Variants in LNP1 observed in about 807,000 individuals in gnomAD.
The protein encoded by LNP1 is leukemia NUP98 fusion partner 1.
LNP1 carries 12 observed loss-of-function variants against 14.5 expected under a neutral mutation model. The observed-to-expected ratio is 0.83, with a 90% CI of 0.53 to 1.34. The LOEUF is 1.34. LNP1 is among the 40% of genes most tolerant of loss of function. The pLI is 0.00. For missense variants in LNP1, 198 were observed against 210.9 expected (o/e 0.94, Z 0.38); for synonymous variants, 75 against 71.4 (o/e 1.05, Z -0.26).
Position 100,436,024 on chromosome 3 carries a change from C to G in LNP1, c.156+6139C>G, listed in dbSNP as rs1707290832. Among the ~76,000 whole-genome samples, 2 of 152,238 alleles carry G rather than the reference C, an allele frequency of 1.3e-5. 1 individual carries two copies. The highest frequency in any genetic ancestry group is 4.8e-5 in the African/African-American group (2 of 41,510). ...AAAACTGTAGTAATGGCTGATGGAA[C>G]AAGGGAATCAGCTAGTCAGCATCTG... On this transcript the variant is annotated intron_variant, in intron 2 of 3. Coordinates refer to ENST00000383693, the MANE Select transcript of LNP1 (RefSeq NM_001085451.2).
At chr3:100,450,411 G>A (rs948220076) in intron 2 of LNP1, among the ~76,000 whole-genome samples, 1 of 148,130 alleles carries the variant, frequency 6.8e-6, no homozygotes, top group African/African-American at 2.5e-5. Flanking sequence ...TCGGCTCACC[G>A]CAACCTCCAC....
chr3:100,415,619 C>A (rs1380774755), intron 1 of LNP1, among the ~76,000 whole-genome samples: 2 of 152,112 alleles, frequency 1.3e-5, no homozygotes, highest in East Asian at 3.9e-4. Context: ...ATTCAGATAC[C>A]TCCAATCCAG....
chr3:100,454,901 G>A (rs1404751615), intron 3 of LNP1, among the ~76,000 whole-genome samples: 3 of 152,060 alleles, frequency 2.0e-5, no homozygotes, highest in East Asian at 1.9e-4. Context: ...AGCACTCAGG[G>A]GTTTCCCAAC....
At chr3:100,410,218 A>C (rs1028072678) in intron 1 of LNP1, among the ~76,000 whole-genome samples, 5 of 152,196 alleles carry the variant, frequency 3.3e-5, no homozygotes, top group Non-Finnish European at 5.9e-5. Context: ...TATGGATATT[A>C]AAAGAAATTT....
At chr3:100,413,355 G>A (rs967730567) in intron 1 of LNP1, among the ~76,000 whole-genome samples, 2 of 152,166 alleles carry the variant, frequency 1.3e-5, no homozygotes, top group Non-Finnish European at 1.5e-5. Context: ...TCACTTCTCA[G>A]GGGGAATGTC....
intron 1 of LNP1, among the ~76,000 whole-genome samples, chr3:100,410,146 A>G (rs1347156908): frequency 6.6e-6 from 1 of 152,136 alleles, no homozygotes; most frequent in South Asian, 2.1e-4. Context: ...TACAGGCTGG[A>G]AGATTTTTGA....
intron 2 of LNP1, among the ~76,000 whole-genome samples, chr3:100,438,216 T>C (rs918568441): frequency 3.9e-5 from 6 of 152,176 alleles, no homozygotes; most frequent in African/African-American, 9.7e-5. Flanking sequence ...GAACATCGAG[T>C]AGTTAAGCTC....
At chr3:100,436,031 A>G (rs1264705505) in intron 2 of LNP1, among the ~76,000 whole-genome samples, 1 of 152,198 alleles carries the variant, frequency 6.6e-6, no homozygotes, top group Non-Finnish European at 1.5e-5. Flanking sequence ...GAACAAGGGA[A>G]TCAGCTAGTC....
chr3:100,441,943 G>T (rs1182376963), intron 2 of LNP1, among the ~76,000 whole-genome samples: 1 of 152,110 alleles, frequency 6.6e-6, no homozygotes, highest in Non-Finnish European at 1.5e-5. Flanking sequence ...GGGATTACAG[G>T]CATGAGCCAC....
In LNP1 at chr3:100,428,531, C is replaced by CA. The variant is rs552434826; in HGVS notation, c.-33-1153dup. ...TGGGCAACAGGACGAGACTCCATCTCAAAAAAAAAAAAAGAAAAAAAGAAA... is the reference window on the plus strand; with the variant it reads ...TGGGCAACAGGACGAGACTCCATCTCAAAAAAAAAAAAAAGAAAAAAAGAAA... On this transcript the variant is annotated intron_variant, in intron 1 of 3. Coordinates refer to ENST00000383693, the MANE Select transcript of LNP1 (RefSeq NM_001085451.2). Among the ~76,000 whole-genome samples the CA allele has an allele frequency of 6.8e-3, 699 of 103,438 alleles. 5 individuals are homozygous for CA. Among genetic ancestry groups the CA allele is most frequent in the Admixed American group, 8.4e-3 (78 of 9,250 alleles). The allele number at this position is 103,438 out of a possible 152,430, so 67.9% of individuals were successfully genotyped here. A position where few individuals can be genotyped will look rare whatever the true frequency, so the allele number is the denominator to read the frequency against.
chr3:100,450,769 A>G (rs1707429918), intron 2 of LNP1, among the ~76,000 whole-genome samples: 1 of 151,982 alleles, frequency 6.6e-6, no homozygotes, highest in African/African-American at 2.4e-5. Context: ...CAAAAACAAC[A>G]CCTCATCTTC....
intron 1 of LNP1, among the ~76,000 whole-genome samples, chr3:100,427,157 C>A (rs547597917): frequency 2.0e-5 from 3 of 151,912 alleles, no homozygotes; most frequent in Non-Finnish European, 4.4e-5. Context: ...GCTCTTGGAA[C>A]TGACTTAACA....
chr3:100,453,397 A>G (rs2148909148), intron 3 of LNP1, among the ~76,000 whole-genome samples: 1 of 151,640 alleles, frequency 6.6e-6, no homozygotes, highest in Non-Finnish European at 1.5e-5. Context: ...CCTGGGCAAC[A>G]TAGTGAAATC....
intron 2 of LNP1, among the ~76,000 whole-genome samples, chr3:100,430,574 A>G (rs1251836804): frequency 6.6e-6 from 1 of 152,214 alleles, no homozygotes; most frequent in Admixed American, 6.5e-5. Flanking sequence ...AAGGCTCCAC[A>G]GTAGACATGT....
At chr3:100,419,608 A>G (rs1212368376) in intron 1 of LNP1, among the ~76,000 whole-genome samples, 4 of 152,276 alleles carry the variant, frequency 2.6e-5, no homozygotes, top group South Asian at 2.1e-4. Context: ...AGCTTCCTCA[A>G]ACTAAACTCT....
chr3:100,405,791 C>T (rs891769181), intron 1 of LNP1, among the ~76,000 whole-genome samples: 45 of 152,124 alleles, frequency 3.0e-4, no homozygotes, highest in African/African-American at 1.1e-3. Flanking sequence ...CCTCTAGTGC[C>T]TCTCTTCTAT....
chr3:100,402,292 T>A lies in LNP1; in HGVS notation c.-181T>A, dbSNP rs1706918544. ...CTTACATTAAGATTTCATAAATGAT[T>A]GTTTTGCTGTTAAGTGCAACAACAT... On this transcript the variant is annotated 5_prime_UTR_variant, in exon 1 of 4. Transcript: ENST00000383693. 1 of 152,238 alleles carries A rather than the reference T, an allele frequency of 6.6e-6. No individual in the cohort carries two copies. The highest frequency in any genetic ancestry group is 1.5e-5 in the Non-Finnish European group (1 of 68,040). The allele number at this position is 152,238 out of a possible 1,614,324, so 9.4% of individuals were successfully genotyped here. A position where few individuals can be genotyped will look rare whatever the true frequency, so the allele number is the denominator to read the frequency against.
At chr3:100,455,170 T>C (rs1054818230) in intron 3 of LNP1, among the ~76,000 whole-genome samples, 1 of 152,348 alleles carries the variant, frequency 6.6e-6, no homozygotes, top group Admixed American at 6.5e-5. Context: ...TGACTGTCTG[T>C]ATCCCTCCAC....
chr3:100,428,548 A>G (rs1462084768), intron 1 of LNP1, among the ~76,000 whole-genome samples: 6 of 152,178 alleles, frequency 3.9e-5, no homozygotes, highest in African/African-American at 1.4e-4. Context: ...AAAAAAAGAA[A>G]AAAAGAAAAT....
Sources: allele counts gnomAD v4.1 joint callset (sites outside exome capture counted in the v4.1 genomes callset), GRCh38; gene constraint gnomAD v4.1.1; transcripts MANE v1.5; gene names NCBI Gene and HGNC (gene_info 2026-07-23, HGNC 2026-07-21).